Variants in DPP4 observed in about 807,000 individuals in gnomAD.
DPP4 encodes the protein ADCP-2.
DPP4 carries 93 observed loss-of-function variants against 122.4 expected under a neutral mutation model. The observed-to-expected ratio is 0.76, with a 90% CI of 0.64 to 0.90. The LOEUF (loss-of-function observed/expected upper bound fraction) is 0.90, where lower values mean the gene tolerates loss of function less well. DPP4 is among the 40% of genes least tolerant of loss of function. The probability of loss-of-function intolerance (pLI) is 0.00; values close to 1 mark genes in which losing one functional copy is unlikely to be tolerated. For missense variants in DPP4, 914 were observed against 907.3 expected (o/e 1.01, Z -0.09); for synonymous variants, 321 against 302.9 (o/e 1.06, Z -0.62).
chr2:161,996,786 C>G (rs1701016679), intron 23 of DPP4, among the ~76,000 whole-genome samples: 3 of 152,062 alleles, frequency 2.0e-5, no homozygotes, highest in Non-Finnish European at 2.9e-5. Flanking sequence ...AATTTATAAA[C>G]TTTATCATAG....
At chr2:162,065,403 G>A (rs1260212801) in intron 2 of DPP4, among the ~76,000 whole-genome samples, 1 of 152,196 alleles carries the variant, frequency 6.6e-6, no homozygotes, top group Non-Finnish European at 1.5e-5. Flanking sequence ...GGATGGCAGA[G>A]CTGAAAGGTG....
chr2:162,028,373 A>G (rs1258355827), intron 10 of DPP4, among the ~76,000 whole-genome samples: 1 of 152,182 alleles, frequency 6.6e-6, no homozygotes, highest in East Asian at 1.9e-4. Context: ...AAATAAATAA[A>G]TAAAGCCAAT....
intron 2 of DPP4, among the ~76,000 whole-genome samples, chr2:162,052,437 C>A (rs1163854350): frequency 6.6e-6 from 1 of 151,834 alleles, no homozygotes; most frequent in African/African-American, 2.4e-5. Flanking sequence ...ACAATGCCTT[C>A]GATGGGGTGG....
At chr2:162,001,759 T>A (rs1701155153) in intron 23 of DPP4, among the ~76,000 whole-genome samples, 1 of 152,186 alleles carries the variant, frequency 6.6e-6, no homozygotes, top group African/African-American at 2.4e-5. Context: ...TGGATCTGAT[T>A]CCTTTGCTCA....
Position 162,019,221 on chromosome 2 carries a change from A to G in DPP4, c.1298+2T>C. On this transcript the variant is annotated splice_donor_variant, in intron 15 of 25. Coordinates refer to ENST00000360534, the MANE Select transcript of DPP4 (RefSeq NM_001935.4). LOFTEE classifies it high-confidence loss of function. ...AAGTCAACAACTTGACAGAGCTCTT[A>G]CTTATAAAGATTCCTTCCTCCTGGC... is the stretch of plus-strand genomic sequence containing the variant. The G allele has an allele frequency of 1.3e-6, 2 of 1,596,360 alleles. No homozygotes were observed. The highest frequency in any genetic ancestry group is 1.7e-6 in the Non-Finnish European group (2 of 1,167,596).
intron 22 of DPP4, among the ~76,000 whole-genome samples, chr2:162,006,811 C>T (rs186304911): frequency 6.6e-6 from 1 of 152,060 alleles, no homozygotes; most frequent in Non-Finnish European, 1.5e-5. Flanking sequence ...GACCAGATTA[C>T]AGTTAAAGAG....
At position 162,013,769 on chromosome 2, in the gene DPP4, C is replaced by T. The variant is rs187872446; in HGVS notation, c.1637+627G>A. Among the ~76,000 whole-genome samples the T allele has an allele frequency of 3.3e-5, 5 of 152,158 alleles. No individual in the cohort carries two copies. In the East Asian group the frequency reaches 9.7e-4, roughly 29 times the overall value. On this transcript the variant is annotated intron_variant, in intron 19 of 25. Transcript: ENST00000360534. The stretch of plus-strand genomic sequence containing the variant: ...TGACATTATGGCATCATGGGTGACG[C>T]TAGGGCAATTTTAGAAAAATTAAAG...
At chr2:162,014,033 G>T (rs918089525) in intron 19 of DPP4, among the ~76,000 whole-genome samples, 1 of 152,298 alleles carries the variant, frequency 6.6e-6, no homozygotes, top group African/African-American at 2.4e-5. Flanking sequence ...GCCAGTGGGA[G>T]CTGGGGTAAG....
intron 2 of DPP4, among the ~76,000 whole-genome samples, chr2:162,050,513 C>T (rs1052539050): frequency 6.6e-6 from 1 of 152,174 alleles, no homozygotes; most frequent in Non-Finnish European, 1.5e-5. Context: ...TGATGCCACA[C>T]TTGCTAGAGC....
chr2:162,016,924 T>C lies in DPP4; in HGVS notation c.1469-58A>G, dbSNP rs1682947213. The C allele has an allele frequency of 3.9e-6, 6 of 1,529,646 alleles. No homozygotes were observed. In the South Asian group the frequency reaches 5.9e-5, roughly 15 times the overall value. 94.8% of individuals were successfully genotyped at this position (1,529,646 alleles called of 1,614,324 possible). A position where few individuals can be genotyped will look rare whatever the true frequency, so the allele number is the denominator to read the frequency against. On this transcript the variant is annotated intron_variant, in intron 17 of 25. Coordinates refer to ENST00000360534, the MANE Select transcript of DPP4 (RefSeq NM_001935.4). ...TACAATGTGAAAAATGTGGATTATGTAGTGCAATAATGAGCAAACATGAAA... is the reference window on the plus strand; with the variant it reads ...TACAATGTGAAAAATGTGGATTATGCAGTGCAATAATGAGCAAACATGAAA...
chr2:162,029,078 A>G (rs1683450277), intron 10 of DPP4, among the ~76,000 whole-genome samples: 1 of 152,354 alleles, frequency 6.6e-6, no homozygotes, highest in Admixed American at 6.5e-5. Flanking sequence ...AATTAATTTT[A>G]TAAGGCAAAT....
In DPP4 at chr2:162,006,974, G is replaced by A. The variant is rs562526498; in HGVS notation, c.1988-1165C>T. On this transcript the variant is annotated intron_variant, in intron 22 of 25. Coordinates refer to ENST00000360534, the MANE Select transcript of DPP4 (RefSeq NM_001935.4). ...TAACACTTTTTGAATGACTGGTATTGTAGATTACAAACTACACTAATGAGT... is the reference window on the plus strand; with the variant it reads ...TAACACTTTTTGAATGACTGGTATTATAGATTACAAACTACACTAATGAGT... Among the ~76,000 whole-genome samples the A allele has an allele frequency of 2.0e-5, 3 of 152,122 alleles. No homozygotes were observed. The South Asian group carries it at 6.2e-4, about 32-fold the overall frequency.
chr2:162,008,768 A>G (rs765288567), intron 21 of DPP4, 107 bp from the exon 22 acceptor site: 99 of 964,262 alleles, frequency 1.0e-4, no homozygotes, highest in Non-Finnish European at 1.5e-4. Flanking sequence ...GTGCCTCTTT[A>G]GAGATAAAAA....
chr2:162,056,143 C>T (rs560904415), intron 2 of DPP4, among the ~76,000 whole-genome samples: 12 of 152,348 alleles, frequency 7.9e-5, no homozygotes, highest in Admixed American at 5.2e-4. Context: ...CTCTACTACT[C>T]TTTCCAGCAT....
rs550153940 is a variant in DPP4, at chr2:162,053,829, G to A, written c.95-6328C>T. On this transcript the variant is annotated intron_variant, in intron 2 of 25. Coordinates refer to ENST00000360534, the MANE Select transcript of DPP4 (RefSeq NM_001935.4). ...CAAAAGATTCCTCAGAAAGGCTAGC[G>A]GCCCATGAAGAGAACTGCCACAGAA... Among the ~76,000 whole-genome samples, 4 of 152,368 alleles carry A rather than the reference G, an allele frequency of 2.6e-5. No individual in the cohort carries two copies. The South Asian group carries it at 6.2e-4, about 24-fold the overall frequency.
intron 2 of DPP4, among the ~76,000 whole-genome samples, chr2:162,048,436 A>G (rs1433026475): frequency 6.6e-6 from 1 of 152,122 alleles, no homozygotes; most frequent in Non-Finnish European, 1.5e-5. Flanking sequence ...CCCTTCGCCA[A>G]AAGTTTTCAA....
chr2:162,034,033 C>T (rs1475378704), intron 9 of DPP4, among the ~76,000 whole-genome samples: 1 of 151,678 alleles, frequency 6.6e-6, no homozygotes, highest in Non-Finnish European at 1.5e-5. Flanking sequence ...ACCCTGTCTC[C>T]CTGAGACCAA....
intron 2 of DPP4, among the ~76,000 whole-genome samples, chr2:162,073,069 CA>C (rs1685173927): frequency 6.6e-6 from 1 of 151,950 alleles, no homozygotes; most frequent in Admixed American, 6.6e-5. Context: ...AAACTTTTCT[CA>C]AAAATTACAT....
chr2:162,022,921 A>T, intron 11 of DPP4, 122 bp from the exon 12 acceptor site: 1 of 970,028 alleles, frequency 1.0e-6, no homozygotes, highest in South Asian at 1.4e-5. Context: ...CTCCATTCAT[A>T]TATTTCTATT....
Sources: allele counts gnomAD v4.1 joint callset (sites outside exome capture counted in the v4.1 genomes callset), GRCh38; gene constraint gnomAD v4.1.1; transcripts MANE v1.5; gene names NCBI Gene and HGNC (gene_info 2026-07-23, HGNC 2026-07-21).